The following SMIM17 variants were observed in gnomAD, a reference collection of about 807,000 sequenced individuals.
The protein encoded by SMIM17 is small integral membrane protein 17.
In SMIM17, 10 loss-of-function variants were observed where a neutral mutation model predicts 12.2. The ratio of observed to expected loss-of-function variants is 0.82; its 90% CI spans 0.50 to 1.39. SMIM17 has a LOEUF of 1.39. SMIM17 is among the 40% of genes most tolerant of loss of function. The pLI, the probability that SMIM17 is intolerant of heterozygous loss-of-function variation, is 0.00. For synonymous variants in SMIM17, 50 were observed against 44.1 expected (o/e 1.13, Z -0.53); for missense variants, 136 against 118.2 (o/e 1.15, Z -0.70).
Position 56,645,853 on chromosome 19 carries a change from C to A in SMIM17, c.169+17C>A. 2 of 1,520,946 alleles carry A rather than the reference C, an allele frequency of 1.3e-6. No individual in the cohort carries two copies. Among genetic ancestry groups the A allele is most frequent in the East Asian group, 2.5e-5 (1 of 40,474 alleles). 94.2% of individuals were successfully genotyped at this position (1,520,946 alleles called of 1,614,324 possible). A position where few individuals can be genotyped will look rare whatever the true frequency, so the allele number is the denominator to read the frequency against. On this transcript the variant is annotated intron_variant, in intron 2 of 3. Coordinates refer to ENST00000598409, the MANE Select transcript of SMIM17 (RefSeq NM_001193628.2). ...ATGAGAAAGGTGAGAGGCAGGGGTC[C>A]TTTGGGAGGTGAGTGGGTGGAGAGG...
chr19:56,644,609 G>C (rs753817863), intron 1 of SMIM17, among the ~76,000 whole-genome samples: 1 of 152,182 alleles, frequency 6.6e-6, no homozygotes, highest in Non-Finnish European at 1.5e-5. Flanking sequence ...TCAGACAGGA[G>C]ACCTGATCTC....
At chr19:56,646,910 C>T (rs370828915) in intron 2 of SMIM17, among the ~76,000 whole-genome samples, 65 of 152,230 alleles carry the variant, frequency 4.3e-4, no homozygotes, top group African/African-American at 1.5e-3. Flanking sequence ...CTGTCTTTTT[C>T]CTCAGGGGAT....
At position 56,647,641 on chromosome 19, in the gene SMIM17, TG is replaced by T; in HGVS notation, c.246+13del. The T allele has an allele frequency of 6.5e-7, 1 of 1,535,236 alleles. No individual in the cohort carries two copies. Among genetic ancestry groups the T allele is most frequent in the Non-Finnish European group, 8.7e-7 (1 of 1,146,270 alleles). On this transcript the variant is annotated splice_region_variant and intron_variant, in intron 3 of 3. Coordinates refer to ENST00000598409, the MANE Select transcript of SMIM17 (RefSeq NM_001193628.2). ...CGAATCAGAGGGCTCCCAGGTACAC[TG>T]GGGGGTTTGTTCTTTTTCCACAAAT...
intron 3 of SMIM17, 146 bp from the exon 4 acceptor site, chr19:56,654,957 T>C (rs1345489374): frequency 2.1e-6 from 1 of 475,246 alleles, no homozygotes; most frequent in South Asian, 5.0e-5. Flanking sequence ...TTATCTTATA[T>C]CTACTCAGTT....
rs1568517312 is a variant in SMIM17 at position 56,647,429 on chromosome 19, G to GAGAGAGAGAGAGAGAGAGAGAGAGAC, written c.170-107_170-106insAGACAGAGAGAGAGAGAGAGAGAGAG. The GAGAGAGAGAGAGAGAGAGAGAGAGAC allele has an allele frequency of 1.6e-4, 60 of 375,200 alleles. No individual in the cohort carries two copies. The African/African-American group carries it at 2.5e-3, about 15-fold the overall frequency. 23.2% of individuals were successfully genotyped at this position (375,200 alleles called of 1,614,324 possible). A position where few individuals can be genotyped will look rare whatever the true frequency, so the allele number is the denominator to read the frequency against. ...AGAGAGAGAAGGAGGGTGAGAGAGA[G>GAGAGAGAGAGAGAGAGAGAGAGAGAC]AGAGAGAGAGAGAGAGAGAGAGGAG... On this transcript the variant is annotated intron_variant, in intron 2 of 3. Transcript: ENST00000598409.
At chr19:56,652,671 A>G (rs547835808) in intron 3 of SMIM17, among the ~76,000 whole-genome samples, 3 of 150,378 alleles carry the variant, frequency 2.0e-5, no homozygotes, top group South Asian at 2.1e-4. Flanking sequence ...AGAAAAAAAA[A>G]AGAGAGAGAG....
intron 3 of SMIM17, among the ~76,000 whole-genome samples, chr19:56,652,638 C>G (rs527715832): frequency 1.4e-5 from 2 of 147,742 alleles, no homozygotes; most frequent in East Asian, 2.0e-4. Flanking sequence ...GGCGATACAG[C>G]GAGACTCTCC....
chr19:56,643,383 CT>C (rs1201009763), intron 1 of SMIM17, among the ~76,000 whole-genome samples, 173 bp downstream of exon 1: 3 of 152,188 alleles, frequency 2.0e-5, no homozygotes, highest in Non-Finnish European at 4.4e-5. Context: ...GAGAGGGCGT[CT>C]CCAAGCCCGT....
intron 1 of SMIM17, among the ~76,000 whole-genome samples, chr19:56,643,573 C>A (rs1365454351): frequency 6.6e-6 from 1 of 152,070 alleles, no homozygotes; most frequent in Non-Finnish European, 1.5e-5. Context: ...GGCTTGGTGT[C>A]GATGTTCGCT....
At chr19:56,654,451 C>G (rs1600622624) in intron 3 of SMIM17, among the ~76,000 whole-genome samples, 1 of 152,186 alleles carries the variant, frequency 6.6e-6, no homozygotes, top group Non-Finnish European at 1.5e-5. Flanking sequence ...AATTCTGTAT[C>G]AAGAGTACAA....
In SMIM17 at chr19:56,653,476, G is replaced by T. The variant is rs149689146; in HGVS notation, c.247-1627G>T. 8.7e-3 allele frequency among the ~76,000 whole-genome samples: 1,317 copies of T among 152,240 alleles called. 25 individuals carry two copies. The highest frequency in any genetic ancestry group is 0.029 in the African/African-American group (1,197 of 41,532). ...TCAGTTGTGTCAGACCCATTTCCTT[G>T]GGTGATGAATTGCTAGGCTCCCATT... On this transcript the variant is annotated intron_variant, in intron 3 of 3. Transcript: ENST00000598409.
At chr19:56,650,300 A>T (rs2045099502) in intron 3 of SMIM17, among the ~76,000 whole-genome samples, 1 of 152,128 alleles carries the variant, frequency 6.6e-6, no homozygotes, top group Admixed American at 6.6e-5. Flanking sequence ...CAGCCTCCTG[A>T]GTAGCTAGGA....
intron 2 of SMIM17, 30 bp downstream of exon 2, chr19:56,645,866 G>A: frequency 6.6e-7 from 1 of 1,511,256 alleles, no homozygotes; most frequent in Non-Finnish European, 8.8e-7. Context: ...TGGGAGGTGA[G>A]TGGGTGGAGA....
chr19:56,647,495 C>G, intron 2 of SMIM17, 63 bp from the exon 3 acceptor site: 1 of 1,218,754 alleles, frequency 8.2e-7, no homozygotes, highest in Non-Finnish European at 1.1e-6. Context: ...TGGGAAGAGC[C>G]CACTCCTGCC....
chr19:56,656,151 A>G lies in SMIM17; in HGVS notation c.*938A>G, dbSNP rs891390110. Among the ~76,000 whole-genome samples, 2 of 151,752 alleles carry G rather than the reference A, an allele frequency of 1.3e-5. No homozygotes were observed. Among genetic ancestry groups the G allele is most frequent in the African/African-American group, 2.4e-5 (1 of 41,360 alleles). On this transcript the variant is annotated 3_prime_UTR_variant, in exon 4 of 4. Coordinates refer to ENST00000598409, the MANE Select transcript of SMIM17 (RefSeq NM_001193628.2). ...AGTAGAGACGGGGTTTCACCGTGTT[A>G]GCCAGGATGGTCTCGATCTCCTGAC...
At chr19:56,650,043 T>C (rs1331531104) in intron 3 of SMIM17, among the ~76,000 whole-genome samples, 1 of 152,128 alleles carries the variant, frequency 6.6e-6, no homozygotes, top group African/African-American at 2.4e-5. Context: ...TGGATGTGGC[T>C]GGGGTTAGAG....
intron 1 of SMIM17, among the ~76,000 whole-genome samples, chr19:56,644,228 A>G (rs557039456): frequency 2.0e-5 from 3 of 151,848 alleles, no homozygotes; most frequent in Non-Finnish European, 2.9e-5. Flanking sequence ...GCAAAACCCC[A>G]AAGCAATAAA....
intron 1 of SMIM17, among the ~76,000 whole-genome samples, chr19:56,645,274 G>T (rs553556253): frequency 6.6e-6 from 1 of 151,752 alleles, no homozygotes; most frequent in Admixed American, 6.6e-5. Flanking sequence ...TGTATGTGTG[G>T]ATGTGTTTAT....
intron 2 of SMIM17, 85 bp from the exon 3 acceptor site, chr19:56,647,473 A>G (rs2045073616): frequency 1.1e-6 from 1 of 932,486 alleles, no homozygotes; most frequent in Admixed American, 2.6e-5. Flanking sequence ...TAGAAAAGGG[A>G]CAAGATGCCA....
Sources: allele counts gnomAD v4.1 joint callset (sites outside exome capture counted in the v4.1 genomes callset), GRCh38; gene constraint gnomAD v4.1.1; transcripts MANE v1.5; gene names NCBI Gene and HGNC (gene_info 2026-07-23, HGNC 2026-07-21).